The following PRKRA variants were observed in gnomAD, a reference collection of about 807,000 sequenced individuals.
The protein encoded by PRKRA is protein activator of interferon induced protein kinase EIF2AK2, also known as interferon-inducible double-stranded RNA-dependent protein kinase activator A.
Under a neutral mutation model 32.4 loss-of-function variants are expected in PRKRA, and 22 were observed. The ratio of observed to expected loss-of-function variants is 0.68; its 90% CI spans 0.49 to 0.97. PRKRA has a LOEUF of 0.97. Among genes scored for constraint, PRKRA ranks in the 50% least tolerant of loss-of-function variants. The pLI is 0.00. For missense variants in PRKRA, 319 were observed against 375.6 expected, an observed-to-expected ratio of 0.85 and a Z score of 1.25; for synonymous variants, 139 against 129.8, an observed-to-expected ratio of 1.07 and a Z score of -0.48.
chr2:178,446,444 G>A (rs1407230603), intron 3 of PRKRA, among the ~76,000 whole-genome samples: 4 of 152,120 alleles, frequency 2.6e-5, no homozygotes, highest in African/African-American at 7.2e-5. Context: ...CTACCCAAAC[G>A]GTTTAGAATG....
intron 3 of PRKRA, 80 bp from the exon 4 acceptor site, chr2:178,444,580 ACTCT>A (rs1697246676): frequency 7.0e-6 from 6 of 851,796 alleles, no homozygotes; most frequent in South Asian, 5.1e-5. Context: ...TTTCTAATTA[ACTCT>A]CTATGTCTTT....
rs1214702734 is a variant in PRKRA at position 178,447,535 on chromosome 2, A to T, written c.287T>A (p.Ile96Lys). 1 of 1,614,152 alleles carries T rather than the reference A, an allele frequency of 6.2e-7. No individual in the cohort carries two copies. Among genetic ancestry groups the T allele is most frequent in the Non-Finnish European group, 8.5e-7 (1 of 1,179,970 alleles). ...LAKHRAAEAA[I>K]NILKANASIC... ...ACTTGCATTGGCTTTCAAAATGTTT[A>T]TGGCAGCCTCTGCAGCTCTATGTTT... Residue 96 changes from isoleucine (I) to lysine (K), a missense_variant, in exon 3 of 8, where the codon ATA (isoleucine) becomes AAA (lysine). Physicochemically the swap from Ile to Lys is moderately radical, Grantham distance 102 (BLOSUM62 -3). Coordinates refer to ENST00000325748, the MANE Select transcript of PRKRA (RefSeq NM_003690.5).
chr2:178,435,301 T>C (rs1432582883), intron 7 of PRKRA, among the ~76,000 whole-genome samples: 1 of 148,848 alleles, frequency 6.7e-6, no homozygotes, highest in Non-Finnish European at 1.5e-5. Context: ...GAGGATCGCT[T>C]GAACCCAGGA....
At chr2:178,446,204 A>G (rs1575097808) in intron 3 of PRKRA, among the ~76,000 whole-genome samples, 1 of 149,304 alleles carries the variant, frequency 6.7e-6, no homozygotes, top group East Asian at 2.0e-4. Flanking sequence ...TAGTAGAGAC[A>G]GGGTTTTGCC....
At chr2:178,432,981 G>A (rs1320774638) in intron 7 of PRKRA, among the ~76,000 whole-genome samples, 2 of 152,146 alleles carry the variant, frequency 1.3e-5, no homozygotes, top group Non-Finnish European at 2.9e-5. Context: ...AGGGCAAAGA[G>A]GAAGAAATAG....
At chr2:178,446,143 T>C (rs946095265) in intron 3 of PRKRA, among the ~76,000 whole-genome samples, 2 of 151,966 alleles carry the variant, frequency 1.3e-5, no homozygotes, top group African/African-American at 2.4e-5. Flanking sequence ...GCCACCCAAG[T>C]AGCTGGGATT....
Position 178,449,193 on chromosome 2 carries a change from C to A in PRKRA, c.235+1049G>T, listed in dbSNP as rs564779509. Among the ~76,000 whole-genome samples the A allele has an allele frequency of 6.2e-5, 9 of 146,128 alleles. No homozygotes were observed. The East Asian group carries it at 1.9e-3, about 31-fold the overall frequency. ...TCTAAAACACATTGAGAGGGAAAAA[C>A]CCTCCCTTTTCTTGAATTCTTCCTA... On this transcript the variant is annotated intron_variant, in intron 2 of 7. Transcript: ENST00000325748.
At chr2:178,433,961 ATTTATCTTGGG>A (rs1696775874) in intron 7 of PRKRA, 1 of 152,158 alleles carries the variant, frequency 6.6e-6, no homozygotes, top group Non-Finnish European at 1.5e-5. Flanking sequence ...TAATCTAAAA[ATTTATCTTGGG>A]TTTCCTTTTT....
chr2:178,447,593 T>G lies in PRKRA; in HGVS notation c.236-7A>C, dbSNP rs746561197. On this transcript the variant is annotated splice_polypyrimidine_tract_variant and splice_region_variant and intron_variant, in intron 2 of 7. Coordinates refer to ENST00000325748, the MANE Select transcript of PRKRA (RefSeq NM_003690.5). ...TTCTTACTTGTACCTTCACCTGAAT[T>G]AAGATTTAAAAAAAGAAGTCTTTAT... 5 of 796,362 alleles carry G rather than the reference T, an allele frequency of 6.3e-6. No individual in the cohort carries two copies. Among genetic ancestry groups the G allele is most frequent in the Admixed American group, 7.3e-5 (2 of 27,380 alleles). 49.3% of individuals were successfully genotyped at this position (796,362 alleles called of 1,614,324 possible).
At chr2:178,450,529 G>C in intron 1 of PRKRA, 118 bp from the exon 2 acceptor site, 1 of 1,569,614 alleles carries the variant, frequency 6.4e-7, no homozygotes, top group Admixed American at 1.8e-5. Flanking sequence ...TTCCCCGGAG[G>C]CCAGGGCCAG....
At chr2:178,450,844 C>G (rs1397011928) in intron 1 of PRKRA, 122 bp downstream of exon 1, 28 of 1,379,382 alleles carry the variant, frequency 2.0e-5, no homozygotes, top group Non-Finnish European at 2.0e-5. Context: ...CACCCACAGC[C>G]GCGGAGGCGT....
chr2:178,447,476 G>A (rs768377152), intron 3 of PRKRA, 29 bp downstream of exon 3: 4 of 1,226,934 alleles, frequency 3.3e-6, no homozygotes, highest in South Asian at 1.4e-5. Context: ...ATATTTTTGA[G>A]CTGCTGAATA....
At chr2:178,440,274 T>C (rs1575092426) in intron 6 of PRKRA, 1 of 152,178 alleles carries the variant, frequency 6.6e-6, no homozygotes, top group East Asian at 1.9e-4. Flanking sequence ...GATTTTTTTC[T>C]AAAGAATGAG....
rs543230704 is a variant in PRKRA at position 178,450,643 on chromosome 2, G to C, written c.66-232C>G. On this transcript the variant is annotated intron_variant, in intron 1 of 7. Transcript: ENST00000325748. Reference sequence around the variant, plus strand: ...GTCTTTAGAGAGAGCACTTGAATGCGGGTAGGAGAGATTCTCAACAGAACA... The same window carrying C: ...GTCTTTAGAGAGAGCACTTGAATGCCGGTAGGAGAGATTCTCAACAGAACA... 3.9e-4 allele frequency: 559 copies of C among 1,442,476 alleles called. 3 individuals are homozygous for C. The African/African-American group carries it at 7.3e-3, about 19-fold the overall frequency. The allele number at this position is 1,442,476 out of a possible 1,614,324, so 89.4% of individuals were successfully genotyped here.
At position 178,431,771 on chromosome 2, in the gene PRKRA, T is replaced by C; in HGVS notation, c.*326A>G. 2 of 374,104 alleles carry C rather than the reference T, an allele frequency of 5.3e-6. No homozygotes were observed. The highest frequency in any genetic ancestry group is 1.0e-5 in the Non-Finnish European group (2 of 199,146). The allele number at this position is 374,104 out of a possible 1,614,324, so 23.2% of individuals were successfully genotyped here. A position where few individuals can be genotyped will look rare whatever the true frequency, so the allele number is the denominator to read the frequency against. On this transcript the variant is annotated 3_prime_UTR_variant, in exon 8 of 8. Transcript: ENST00000325748. ...GTGCAAAGAAGAGCTTAAGCACCAG[T>C]AAGAAAGACTGTCGCTAGCATTTTT...
chr2:178,450,627 G>A, intron 1 of PRKRA: 1 of 1,452,168 alleles, frequency 6.9e-7, no homozygotes, highest in Non-Finnish European at 9.0e-7. Flanking sequence ...GGTCTTTAGA[G>A]AGAGCACTTG....
chr2:178,438,622 G>GT (rs904570489), intron 6 of PRKRA, among the ~76,000 whole-genome samples: 1 of 151,188 alleles, frequency 6.6e-6, no homozygotes, highest in African/African-American at 2.4e-5. Context: ...ATTCTTGAGG[G>GT]TTTTTTTCCA....
intron 7 of PRKRA, 176 bp from the exon 8 acceptor site, chr2:178,432,430 A>G (rs2154124473): frequency 2.6e-6 from 2 of 756,526 alleles, no homozygotes; most frequent in East Asian, 2.7e-5. Context: ...GCTCAGCTGT[A>G]GCAGTTTTCA....
chr2:178,444,486 T>C lies in PRKRA; in HGVS notation c.332A>G (p.Asp111Gly). 1 of 1,601,784 alleles carries C rather than the reference T, an allele frequency of 6.2e-7. No individual in the cohort carries two copies. The highest frequency in any genetic ancestry group is 1.3e-5 in the African/African-American group (1 of 74,548). ...CTTGGAAGGGTCAGGCATTAAGGGG[T>C]CAGGAACTGCAAAGCTAAATATTTT... ...ANASICFAVP[D>G]PLMPDPSKQP... The change falls in exon 4 of 8, where the codon GAC (aspartate) becomes GGC (glycine). Residue 111 changes from aspartate to glycine, a missense_variant. Physicochemically the swap from Asp to Gly is moderately conservative, Grantham distance 94. Coordinates refer to ENST00000325748, the MANE Select transcript of PRKRA (RefSeq NM_003690.5).
Sources: gnomAD v4.1 joint callset for allele counts (sites outside exome capture counted in the v4.1 genomes callset) on GRCh38, gnomAD v4.1.1 for gene constraint, MANE v1.5 for transcripts, NCBI Gene and HGNC (gene_info 2026-07-23, HGNC 2026-07-21) for gene names.